Variants in XKR9 observed in about 807,000 individuals in gnomAD.
The protein encoded by XKR9 is XK-related protein 9.
Under a neutral mutation model 32.0 loss-of-function variants are expected in XKR9, and 32 were observed. That is an observed-to-expected ratio of 1.00 (90% CI 0.76 to 1.34). The LOEUF is 1.34. XKR9 is among the 40% of genes most tolerant of loss of function. XKR9 has a pLI of 0.00. For synonymous variants in XKR9, 168 were observed against 143.4 expected (o/e 1.17, Z -1.22); for missense variants, 546 against 429.7 (o/e 1.27, Z -2.39).
At chr8:70,697,034 G>C (rs1305317599) in intron 3 of XKR9, among the ~76,000 whole-genome samples, 1 of 151,872 alleles carries the variant, frequency 6.6e-6, no homozygotes. Flanking sequence ...CATTGATTTT[G>C]TATCCTGAGA....
At chr8:70,784,188 C>A (rs1807652948) in intron 2 of XKR9, among the ~76,000 whole-genome samples, 1 of 152,080 alleles carries the variant, frequency 6.6e-6, no homozygotes, top group African/African-American at 2.4e-5. Context: ...TAGTCAGTGT[C>A]TTTTGTGGTT....
chr8:70,779,228 G>A (rs1482926115), intron 2 of XKR9, among the ~76,000 whole-genome samples: 12 of 151,856 alleles, frequency 7.9e-5, no homozygotes, highest in Non-Finnish European at 1.5e-4. Context: ...GTTTTTTGTC[G>A]TTCTGTTTAT....
the XKR9 span, among the ~76,000 whole-genome samples, chr8:71,003,643 G>A: frequency 3.9e-4 from 59 of 152,254 alleles, no homozygotes; most frequent in African/African-American, 1.4e-3. Flanking sequence ...CTGGAATAGT[G>A]TGTAGCATAT....
chr8:70,670,111 A>G (rs1280770550), intron 1 of XKR9, among the ~76,000 whole-genome samples: 2 of 152,212 alleles, frequency 1.3e-5, no homozygotes, highest in Non-Finnish European at 2.9e-5. Context: ...TTTGTTACAA[A>G]TGAAAAACGG....
chr8:70,876,820 GT>G, the XKR9 span, among the ~76,000 whole-genome samples: 2 of 152,034 alleles, frequency 1.3e-5, no homozygotes, highest in African/African-American at 4.8e-5. Context: ...GTGTGTGTGT[GT>G]TTTTAATTAT....
At chr8:70,995,392 T>C in the XKR9 span, among the ~76,000 whole-genome samples, 1 of 152,216 alleles carries the variant, frequency 6.6e-6, no homozygotes, top group Admixed American at 6.5e-5. Context: ...TTTTTTGAAT[T>C]GACATATGGC....
At chr8:70,748,974 TCTC>T (rs1381273418) in intron 2 of XKR9, among the ~76,000 whole-genome samples, 1 of 151,950 alleles carries the variant, frequency 6.6e-6, no homozygotes, top group Non-Finnish European at 1.5e-5. Flanking sequence ...CCACCATAGG[TCTC>T]CTCTGTGCTG....
chr8:70,967,268 A>G, the XKR9 span, among the ~76,000 whole-genome samples: 1 of 151,770 alleles, frequency 6.6e-6, no homozygotes, highest in African/African-American at 2.4e-5. Flanking sequence ...ACGGGGTTTC[A>G]CCGTGTTAGC....
chr8:71,050,298 T>TATATAGATATAGATATAGATATAG, the XKR9 span, among the ~76,000 whole-genome samples: 1 of 92,764 alleles, frequency 1.1e-5, no homozygotes, highest in African/African-American at 4.3e-5. Context: ...TATAGATATA[T>TATATAGATATAGATATAGATATAG]ATATAGATAT....
At chr8:70,743,971 A>G (rs914993003) in intron 2 of XKR9, among the ~76,000 whole-genome samples, 1 of 151,884 alleles carries the variant, frequency 6.6e-6, no homozygotes, top group Non-Finnish European at 1.5e-5. Flanking sequence ...TATTTGTGAG[A>G]CGATTTGTGC....
At chr8:70,700,006 G>A (rs567887007) in intron 3 of XKR9, among the ~76,000 whole-genome samples, 1 of 152,080 alleles carries the variant, frequency 6.6e-6, no homozygotes, top group East Asian at 1.9e-4. Flanking sequence ...TCTTCACGTA[G>A]TTCTCGAGCC....
At chr8:71,035,747 C>A in the XKR9 span, among the ~76,000 whole-genome samples, 1 of 152,098 alleles carries the variant, frequency 6.6e-6, no homozygotes, top group East Asian at 1.9e-4. Flanking sequence ...AAATATGGAA[C>A]CTTAGTATTT....
chr8:70,700,811 G>A (rs542295317), intron 3 of XKR9, among the ~76,000 whole-genome samples: 13 of 152,290 alleles, frequency 8.5e-5, no homozygotes, highest in South Asian at 4.1e-4. Flanking sequence ...AGGCAGGCAG[G>A]CCTCCTTGAG....
At chr8:70,998,924 A>G in the XKR9 span, among the ~76,000 whole-genome samples, 1 of 152,134 alleles carries the variant, frequency 6.6e-6, no homozygotes, top group Non-Finnish European at 1.5e-5. Context: ...GGGATGCTCA[A>G]TCCTCCATCT....
At chr8:70,733,124 TAAAG>T (rs755321396) in intron 4 of XKR9, among the ~76,000 whole-genome samples, 193 of 152,196 alleles carry the variant, frequency 1.3e-3, no homozygotes, top group Non-Finnish European at 1.6e-3. Flanking sequence ...AGGAAAGAAA[TAAAG>T]AGAGTGGTAA....
At chr8:70,838,788 G>A in the XKR9 span, among the ~76,000 whole-genome samples, 2 of 152,094 alleles carry the variant, frequency 1.3e-5, no homozygotes, top group South Asian at 2.1e-4. Flanking sequence ...CTACTGCACC[G>A]TGTTCATTGC....
chr8:70,876,218 C>CTTTTTTTTTTTTTTTTTTTT, the XKR9 span, among the ~76,000 whole-genome samples: 2 of 101,484 alleles, frequency 2.0e-5, no homozygotes, highest in Non-Finnish European at 3.7e-5. Flanking sequence ...AAGATTCGTT[C>CTTTTTTTTTTTTTTTTTTTT]TTTTTTTTTT....
At chr8:70,707,256 T>G (rs1441094096) in intron 4 of XKR9, 103 bp downstream of exon 4, 1 of 810,368 alleles carries the variant, frequency 1.2e-6, no homozygotes, top group African/African-American at 1.7e-5. Context: ...ACTTTAAAAA[T>G]TATTTATTCT....
chr8:70,826,977 T>C, the XKR9 span, among the ~76,000 whole-genome samples: 1 of 152,192 alleles, frequency 6.6e-6, no homozygotes, highest in Non-Finnish European at 1.5e-5. Context: ...ATGTAGCTTC[T>C]TTAATGATCC....
Sources: allele counts gnomAD v4.1 joint callset (sites outside exome capture counted in the v4.1 genomes callset), GRCh38; gene constraint gnomAD v4.1.1; transcripts MANE v1.5; gene names NCBI Gene and HGNC (gene_info 2026-07-23, HGNC 2026-07-21).